Variants in GTF2H1 observed in about 807,000 individuals in gnomAD.
The protein encoded by GTF2H1 is BTF2 p62.
A neutral mutation model predicts 71.2 loss-of-function variants in GTF2H1; 16 were observed. The ratio of observed to expected loss-of-function variants is 0.22; its 90% CI spans 0.15 to 0.34. GTF2H1 has a LOEUF of 0.34. Among genes scored for constraint, GTF2H1 ranks in the 10% least tolerant of loss-of-function variants. The probability of loss-of-function intolerance (pLI) is 1.00; values close to 1 mark genes in which losing one functional copy is unlikely to be tolerated. For synonymous variants in GTF2H1, 215 were observed against 219.0 expected, an observed-to-expected ratio of 0.98 and a Z score of 0.16; for missense variants, 498 against 648.2, an observed-to-expected ratio of 0.77 and a Z score of 2.52.
At chr11:18,341,495 C>T (rs907813425) in intron 6 of GTF2H1, 33 bp from the exon 7 acceptor site, 2 of 1,602,628 alleles carry the variant, frequency 1.2e-6, no homozygotes, top group Non-Finnish European at 1.7e-6. Context: ...ACAGATAAGA[C>T]ATGCTGAACT....
chr11:18,346,020 G>T (rs1481245478), intron 7 of GTF2H1, among the ~76,000 whole-genome samples: 1 of 146,992 alleles, frequency 6.8e-6, no homozygotes, highest in Non-Finnish European at 1.5e-5. Context: ...TCGATCTCCT[G>T]ACCTCATGAT....
chr11:18,338,547 G>A (rs758602994), intron 4 of GTF2H1, among the ~76,000 whole-genome samples: 13 of 152,132 alleles, frequency 8.5e-5, no homozygotes, highest in Non-Finnish European at 1.9e-4. Context: ...GGGCTTAAGC[G>A]ATCCTCCTGC....
intron 11 of GTF2H1, among the ~76,000 whole-genome samples, chr11:18,354,077 A>G (rs1268755669): frequency 2.6e-5 from 4 of 152,178 alleles, no homozygotes; most frequent in South Asian, 2.1e-4. Context: ...TGATTTGTCA[A>G]TCTTTGTCTT....
intron 13 of GTF2H1, among the ~76,000 whole-genome samples, chr11:18,359,847 A>C (rs755063753): frequency 7.3e-5 from 11 of 151,378 alleles, no homozygotes; most frequent in Non-Finnish European, 1.5e-4. Context: ...AGTAGCTGGG[A>C]CTACAGGCAT....
rs764898528 is a variant in GTF2H1 at position 18,339,703 on chromosome 11, T to C, written c.607+46T>C. The C allele has an allele frequency of 2.8e-6, 3 of 1,074,558 alleles. No individual in the cohort carries two copies. In the East Asian group the frequency reaches 7.2e-5, roughly 26 times the overall value. The allele number at this position is 1,074,558 out of a possible 1,614,324, so 66.6% of individuals were successfully genotyped here. Reference sequence around the variant, plus strand: ...CAGATGGTTAAAATATATGGATATATTCTATAGTATATCAGTGAAAAACAA... The same window carrying C: ...CAGATGGTTAAAATATATGGATATACTCTATAGTATATCAGTGAAAAACAA... On this transcript the variant is annotated intron_variant, in intron 5 of 14. Transcript: ENST00000265963.
Position 18,333,448 on chromosome 11 carries a change from A to G in GTF2H1, c.154+220A>G, listed in dbSNP as rs4150562. Reference sequence around the variant, plus strand: ...TATAATATGTAAATCTACCTGACATATAGATCTCCACACACTTTAAGAGTT... The same window carrying G: ...TATAATATGTAAATCTACCTGACATGTAGATCTCCACACACTTTAAGAGTT... On this transcript the variant is annotated intron_variant, in intron 2 of 14. Transcript: ENST00000265963. 0.66 allele frequency: 234,129 copies of G among 352,758 alleles called. 80,280 individuals are homozygous for G. Among genetic ancestry groups the G allele is most frequent in the East Asian group, 0.96 (20,201 of 21,126 alleles). The allele number at this position is 352,758 out of a possible 1,614,324, so 21.9% of individuals were successfully genotyped here. A position where few individuals can be genotyped will look rare whatever the true frequency, so the allele number is the denominator to read the frequency against.
chr11:18,357,273 C>A (rs1327445994), intron 11 of GTF2H1, among the ~76,000 whole-genome samples: 12 of 152,172 alleles, frequency 7.9e-5, no homozygotes, highest in Admixed American at 3.9e-4. Flanking sequence ...ATAGATAGGT[C>A]AATTTTTTCC....
intron 11 of GTF2H1, among the ~76,000 whole-genome samples, chr11:18,352,654 A>G (rs1865453394): frequency 6.6e-6 from 1 of 152,252 alleles, no homozygotes; most frequent in African/African-American, 2.4e-5. Context: ...ATGAAAAAAA[A>G]TAAGTTGATG....
intron 2 of GTF2H1, among the ~76,000 whole-genome samples, chr11:18,334,175 C>A (rs987847331): frequency 1.3e-5 from 2 of 152,118 alleles, no homozygotes; most frequent in Admixed American, 6.5e-5. Context: ...GTCAGGAGAT[C>A]GAGACCATCC....
Position 18,333,110 on chromosome 11 carries a change from A to G in GTF2H1, c.36A>G (p.Val12=). ...ATSSEEVLLI[V]KKVRQKKQDG... is the part of the protein sequence containing the mutation. ...CATCTGAAGAAGTTTTGCTGATTGTAAAGAAAGTGCGTCAAAAGAAGCAGG... is the reference window on the plus strand; with the variant it reads ...CATCTGAAGAAGTTTTGCTGATTGTGAAGAAAGTGCGTCAAAAGAAGCAGG... The change falls in exon 2 of 15, where the codon GTA becomes GTG. Residue 12 remains valine, a synonymous_variant. Coordinates refer to ENST00000265963, the MANE Select transcript of GTF2H1 (RefSeq NM_005316.4). 1 of 1,612,570 alleles carries G rather than the reference A, an allele frequency of 6.2e-7. No individual in the cohort carries two copies. Among genetic ancestry groups the G allele is most frequent in the Non-Finnish European group, 8.5e-7 (1 of 1,179,848 alleles).
intron 3 of GTF2H1, among the ~76,000 whole-genome samples, chr11:18,336,278 C>T (rs1046825690): frequency 6.6e-5 from 10 of 152,074 alleles, no homozygotes; most frequent in Non-Finnish European, 1.3e-4. Context: ...AGGCATGTGC[C>T]ACCATGCCCG....
chr11:18,344,014 C>T (rs1865225726), intron 7 of GTF2H1, among the ~76,000 whole-genome samples: 1 of 152,092 alleles, frequency 6.6e-6, no homozygotes, highest in South Asian at 2.1e-4. Context: ...TTTGTAGAGA[C>T]AGGGTCTCCC....
intron 5 of GTF2H1, among the ~76,000 whole-genome samples, chr11:18,340,288 C>CTT (rs11438773): frequency 2.8e-5 from 4 of 145,010 alleles, no homozygotes; most frequent in African/African-American, 1.0e-4. Context: ...GACCCTATCT[C>CTT]TTTTTTTTTT....
At chr11:18,355,390 G>A (rs916941969) in intron 11 of GTF2H1, among the ~76,000 whole-genome samples, 2 of 151,928 alleles carry the variant, frequency 1.3e-5, no homozygotes, top group African/African-American at 2.4e-5. Flanking sequence ...TGATCCACCC[G>A]CCTCAGCCTC....
chr11:18,348,805 A>T (rs1421699982), intron 9 of GTF2H1: 1 of 152,224 alleles, frequency 6.6e-6, no homozygotes, highest in Non-Finnish European at 1.5e-5. Flanking sequence ...CTAAACGGTT[A>T]TCTTTCAATA....
chr11:18,341,712 G>A lies in GTF2H1; in HGVS notation c.837+105G>A, dbSNP rs149745856. ...TTCCACTTGTGAGAATGTCAAATAA[G>A]CAAAATACTGTTACTTGAAGTGATT... On this transcript the variant is annotated intron_variant, in intron 7 of 14. Transcript: ENST00000265963. 3.0e-5 allele frequency: 20 copies of A among 665,228 alleles called. No individual in the cohort carries two copies. In the Admixed American group the frequency reaches 4.7e-4, roughly 16 times the overall value. The allele number at this position is 665,228 out of a possible 1,614,324, so 41.2% of individuals were successfully genotyped here.
chr11:18,334,143 G>A (rs892615241), intron 2 of GTF2H1, among the ~76,000 whole-genome samples: 4 of 152,288 alleles, frequency 2.6e-5, no homozygotes, highest in Non-Finnish European at 5.9e-5. Flanking sequence ...ACTTTGGGAG[G>A]CCGAGGTGGG....
At chr11:18,335,164 A>G (rs185383385) in intron 2 of GTF2H1, among the ~76,000 whole-genome samples, 1 of 152,310 alleles carries the variant, frequency 6.6e-6, no homozygotes, top group African/African-American at 2.4e-5. Flanking sequence ...CAGCTTAAAC[A>G]TTTTGTGCAA....
intron 5 of GTF2H1, 115 bp downstream of exon 5, chr11:18,339,772 A>C (rs1865112993): frequency 3.1e-6 from 2 of 637,066 alleles, no homozygotes; most frequent in Non-Finnish European, 5.4e-6. Flanking sequence ...TATGTAAAGT[A>C]CTTTTTACCC....
Sources: allele counts gnomAD v4.1 joint callset (sites outside exome capture counted in the v4.1 genomes callset), GRCh38; gene constraint gnomAD v4.1.1; transcripts MANE v1.5; gene names NCBI Gene and HGNC (gene_info 2026-07-23, HGNC 2026-07-21).